The following ACVR2B variants were observed in gnomAD, a reference collection of about 807,000 sequenced individuals.
ACVR2B encodes the protein activin receptor type-2B.
In ACVR2B, 18 loss-of-function variants were observed where a neutral mutation model predicts 65.1. The ratio of observed to expected loss-of-function variants is 0.28; its 90% confidence interval spans 0.19 to 0.41. The LOEUF is 0.41. ACVR2B is among the 10% of genes least tolerant of loss of function. The probability of loss-of-function intolerance (pLI) is 1.00; values close to 1 mark genes in which losing one functional copy is unlikely to be tolerated. For synonymous variants in ACVR2B, 298 were observed against 277.7 expected (o/e 1.07, Z -0.73); for missense variants, 482 against 682.7 (o/e 0.71, Z 3.28).
At chr3:38,454,909 G>A (rs1231430536) in intron 1 of ACVR2B, 3 of 152,328 alleles carry the variant, frequency 2.0e-5, no homozygotes, top group Non-Finnish European at 4.4e-5. Flanking sequence ...GCGGGCTGTT[G>A]GTGCTGGCTC....
At position 38,477,451 on chromosome 3, in the gene ACVR2B, G is replaced by A; in HGVS notation, c.217G>A (p.Val73Met). The change falls in exon 2 of 11, where the codon GTG becomes ATG. Residue 73 changes from valine to methionine, a missense_variant. Val to Met is a conservative substitution (Grantham distance 21, BLOSUM62 1). Around this residue, in one of 5 missense-constraint regions of ACVR2B, gnomAD observed 85 missense variants for 137.3 expected, o/e 0.62. Coordinates refer to ENST00000352511, the MANE Select transcript of ACVR2B (RefSeq NM_001106.4). The surrounding 1 kb of genome is among the most constrained non-coding windows in gnomAD (Gnocchi z 6.7). ...WRNSSGTIEL[V>M]KKGCWLDDFN... ...CAACAGCTCTGGCACCATCGAGCTCGTGAAGAAGGGCTGCTGGCTAGATGA... is the reference window on the plus strand; with the variant it reads ...CAACAGCTCTGGCACCATCGAGCTCATGAAGAAGGGCTGCTGGCTAGATGA... 1.2e-6 allele frequency: 2 copies of A among 1,614,152 alleles called. No individual in the cohort carries two copies. The highest frequency in any genetic ancestry group is 1.7e-6 in the Non-Finnish European group (2 of 1,180,006).
Position 38,488,466 on chromosome 3 carries a change from T to G in ACVR2B, c.*5134T>G, listed in dbSNP as rs1298635030. Reference sequence around the variant, plus strand: ...ACCCAGTAACATTTTTTAAAACAATTGGTGGCTCCAAAAGGCCTGCCAACA... The same window carrying G: ...ACCCAGTAACATTTTTTAAAACAATGGGTGGCTCCAAAAGGCCTGCCAACA... On this transcript the variant is annotated 3_prime_UTR_variant, in exon 11 of 11. Transcript: ENST00000352511. 6.6e-6 allele frequency: 1 copy of G among 152,192 alleles called. No individual in the cohort carries two copies. Among genetic ancestry groups the G allele is most frequent in the Non-Finnish European group, 1.5e-5 (1 of 68,026 alleles). The allele number at this position is 152,192 out of a possible 1,614,324, so 9.4% of individuals were successfully genotyped here.
intron 1 of ACVR2B, chr3:38,459,544 C>A: frequency 1.0e-6 from 1 of 975,980 alleles, no homozygotes; most frequent in Non-Finnish European, 1.2e-6. Context: ...GTCTGCCAAG[C>A]GGAGCACTGG....
chr3:38,456,871 G>T (rs1709559002), intron 1 of ACVR2B, among the ~76,000 whole-genome samples: 1 of 152,078 alleles, frequency 6.6e-6, no homozygotes, highest in Non-Finnish European at 1.5e-5. Flanking sequence ...TATGAATTTT[G>T]GGGGGACACA....
At chr3:38,470,820 T>A (rs1181883012) in intron 1 of ACVR2B, among the ~76,000 whole-genome samples, 3 of 152,186 alleles carry the variant, frequency 2.0e-5, no homozygotes, top group African/African-American at 7.2e-5. Context: ...TAGGCCTAGC[T>A]TACAACGGAA....
At position 38,487,051 on chromosome 3, in the gene ACVR2B, G is replaced by A. The variant is rs985181019; in HGVS notation, c.*3719G>A. 3 of 152,480 alleles carry A rather than the reference G, an allele frequency of 2.0e-5. No homozygotes were observed. The highest frequency in any genetic ancestry group is 4.8e-5 in the African/African-American group (2 of 41,460). The allele number at this position is 152,480 out of a possible 1,614,324, so 9.4% of individuals were successfully genotyped here. Reference sequence around the variant, plus strand: ...AAGGGCTGCAAGTGGGCTGTGCTTAGGAGAAAGTGACACCTGGCAGTGAGG... The same window carrying A: ...AAGGGCTGCAAGTGGGCTGTGCTTAAGAGAAAGTGACACCTGGCAGTGAGG... On this transcript the variant is annotated 3_prime_UTR_variant, in exon 11 of 11. Transcript: ENST00000352511.
rs934897609 is a variant in ACVR2B, at chr3:38,486,463, T to A, written c.*3131T>A. ...CATGTGTTCTTTGAGGAGTGAGCCA[T>A]CTCGAGCCCTGCTTTGAATTTACTG... On this transcript the variant is annotated 3_prime_UTR_variant, in exon 11 of 11. Coordinates refer to ENST00000352511, the MANE Select transcript of ACVR2B (RefSeq NM_001106.4). The A allele has an allele frequency of 6.6e-6, 1 of 152,302 alleles. No homozygotes were observed. The highest frequency in any genetic ancestry group is 1.5e-5 in the Non-Finnish European group (1 of 68,114). The allele number at this position is 152,302 out of a possible 1,614,324, so 9.4% of individuals were successfully genotyped here. A position where few individuals can be genotyped will look rare whatever the true frequency, so the allele number is the denominator to read the frequency against.
chr3:38,468,369 A>G (rs893026134), intron 1 of ACVR2B, among the ~76,000 whole-genome samples: 2 of 152,074 alleles, frequency 1.3e-5, no homozygotes, highest in Admixed American at 6.5e-5. Context: ...ACATCCTGGA[A>G]GTCAAGGGGG....
At chr3:38,475,438 G>A (rs1709890713) in intron 1 of ACVR2B, 1 of 152,262 alleles carries the variant, frequency 6.6e-6, no homozygotes, top group African/African-American at 2.4e-5. Flanking sequence ...GACCAGAGCT[G>A]TGGCTGGGCA....
chr3:38,466,457 A>G (rs540963165), intron 1 of ACVR2B, among the ~76,000 whole-genome samples: 1 of 151,902 alleles, frequency 6.6e-6, no homozygotes, highest in African/African-American at 2.4e-5. Context: ...AACGTATTCT[A>G]CCCCATAAAT....
At chr3:38,454,667 G>A (rs1709512100) in intron 1 of ACVR2B, 3 of 287,490 alleles carry the variant, frequency 1.0e-5, no homozygotes, top group South Asian at 1.6e-4. Flanking sequence ...ACGCGGGCGC[G>A]TGGAACCCAG....
chr3:38,477,831 AG>A lies in ACVR2B; in HGVS notation c.261-26del, dbSNP rs779376509. ...GGGGGAGTCTTGCATCCCCCAGGTG[AG>A]GGGTATATGGAAAATTCTGTGCCTC... On this transcript the variant is annotated intron_variant, in intron 2 of 10. Coordinates refer to ENST00000352511, the MANE Select transcript of ACVR2B (RefSeq NM_001106.4). This position sits in a 1 kb window ranked among gnomAD's most constrained non-coding sequence, Gnocchi z 6.7. 1 of 1,605,762 alleles carries A rather than the reference AG, an allele frequency of 6.2e-7. No homozygotes were observed.
intron 7 of ACVR2B, among the ~76,000 whole-genome samples, chr3:38,480,628 T>C (rs1022534977): frequency 3.3e-5 from 5 of 152,210 alleles, no homozygotes; most frequent in African/African-American, 9.7e-5. Context: ...GAAGGGTCCC[T>C]GATGGTAATA....
At chr3:38,464,634 G>T (rs1024855832) in intron 1 of ACVR2B, among the ~76,000 whole-genome samples, 1 of 152,134 alleles carries the variant, frequency 6.6e-6, no homozygotes, top group African/African-American at 2.4e-5. Flanking sequence ...AGCTTTGTGG[G>T]GCTAGGAAGA....
At chr3:38,482,396 A>G (rs762802231) in intron 9 of ACVR2B, 34 bp from the exon 10 acceptor site, 2 of 1,610,454 alleles carry the variant, frequency 1.2e-6, no homozygotes, top group African/African-American at 2.7e-5. Context: ...GTGGGACCTT[A>G]GAGTGATCCT....
rs546025653 is a variant in ACVR2B at position 38,477,102 on chromosome 3, C to T, written c.53-185C>T. On this transcript the variant is annotated intron_variant, in intron 1 of 10. Transcript: ENST00000352511. This position sits in a 1 kb window ranked among gnomAD's most constrained non-coding sequence, Gnocchi z 6.7. ...GTGGGGGCTGGTGCCAGCTGGCACA[C>T]GTAAATTAAGAGGTGTGGGACGGAT... 1.2e-5 allele frequency: 8 copies of T among 640,392 alleles called. No individual in the cohort carries two copies. Among genetic ancestry groups the T allele is most frequent in the South Asian group, 1.9e-5 (1 of 52,054 alleles). 39.7% of individuals were successfully genotyped at this position (640,392 alleles called of 1,614,324 possible). A position where few individuals can be genotyped will look rare whatever the true frequency, so the allele number is the denominator to read the frequency against.
rs1175722701 is a variant in ACVR2B, at chr3:38,481,212, C to T, written c.960-139C>T. 6.5e-6 allele frequency: 5 copies of T among 767,184 alleles called. No individual in the cohort carries two copies. The highest frequency in any genetic ancestry group is 2.7e-5 in the South Asian group (2 of 73,260). The allele number at this position is 767,184 out of a possible 1,614,324, so 47.5% of individuals were successfully genotyped here. ...CGCCTGCAGCTGCCTGCTTGTGCTGCTTCACCTCTGCACCCCAGGTAGGGT... is the reference window on the plus strand; with the variant it reads ...CGCCTGCAGCTGCCTGCTTGTGCTGTTTCACCTCTGCACCCCAGGTAGGGT... On this transcript the variant is annotated intron_variant, in intron 7 of 10. Coordinates refer to ENST00000352511, the MANE Select transcript of ACVR2B (RefSeq NM_001106.4). The surrounding 1 kb of genome is among the most constrained non-coding windows in gnomAD (Gnocchi z 4.7).
chr3:38,490,968 C>T lies in ACVR2B; in HGVS notation c.*7636C>T, dbSNP rs1259820100. The T allele has an allele frequency of 1.3e-5, 2 of 152,586 alleles. No individual in the cohort carries two copies. The highest frequency in any genetic ancestry group is 2.1e-4 in the South Asian group (1 of 4,826). The allele number at this position is 152,586 out of a possible 1,614,324, so 9.5% of individuals were successfully genotyped here. ...AGGCAAAGCGATTTAATTGGCTGGT[C>T]TTGCACGCAAATTAGTTCCAAAGAT... On this transcript the variant is annotated 3_prime_UTR_variant, in exon 11 of 11. Coordinates refer to ENST00000352511, the MANE Select transcript of ACVR2B (RefSeq NM_001106.4).
chr3:38,483,320 G>C lies in ACVR2B; in HGVS notation c.1527G>C (p.Glu509Asp). Residue 509 changes from glutamate to aspartate, a missense_variant, in exon 11 of 11, where the codon GAG becomes GAC. By Grantham distance (45) the Glu-to-Asp change is conservative. This residue lies in a region of ACVR2B where 38 missense variants were observed against 29.3 expected (regional missense o/e 1.30). Coordinates refer to ENST00000352511, the MANE Select transcript of ACVR2B (RefSeq NM_001106.4). The surrounding 1 kb of genome is among the most constrained non-coding windows in gnomAD (Gnocchi z 4.8). The part of the protein sequence containing the change: ...SVTNVDLPPK[E>D]SSI ...CCAATGTGGACCTGCCCCCTAAAGA[G>C]TCAAGCATCTAAGCCCAGGACATGA... 1 of 1,614,022 alleles carries C rather than the reference G, an allele frequency of 6.2e-7. No homozygotes were observed. The highest frequency in any genetic ancestry group is 1.3e-5 in the African/African-American group (1 of 74,990).
Sources: gnomAD v4.1 joint callset for allele counts (sites outside exome capture counted in the v4.1 genomes callset) on GRCh38, gnomAD v4.1.1 for gene constraint, gnomAD v4.1.1 regional missense constraint, Gnocchi (gnomAD v3.1) non-coding constraint, MANE v1.5 for transcripts, NCBI Gene and HGNC (gene_info 2026-07-23, HGNC 2026-07-21) for gene names.